BMPR1B: variants seen among roughly 807,000 people sequenced by gnomAD.
BMPR1B encodes the protein bone morphogenetic protein receptor type 1B.
Under a neutral mutation model 59.1 loss-of-function variants are expected in BMPR1B, and 12 were observed. That is an observed-to-expected ratio of 0.20 (90% CI 0.13 to 0.33). The LOEUF (loss-of-function observed/expected upper bound fraction) is 0.33, where lower values mean the gene tolerates loss of function less well. Among genes scored for constraint, BMPR1B ranks in the 10% least tolerant of loss-of-function variants. The probability of loss-of-function intolerance (pLI) is 1.00; values close to 1 mark genes in which losing one functional copy is unlikely to be tolerated. For synonymous variants in BMPR1B, 237 were observed against 207.3 expected (o/e 1.14, Z -1.23); for missense variants, 550 against 610.9 (o/e 0.90, Z 1.05).
intron 2 of BMPR1B, among the ~76,000 whole-genome samples, chr4:94,979,263 C>T (rs982010200): frequency 6.6e-6 from 1 of 152,140 alleles, no homozygotes; most frequent in Non-Finnish European, 1.5e-5. Flanking sequence ...ATCCATACTT[C>T]TTTGTATCCA....
In BMPR1B at chr4:95,155,475, C is replaced by CTTTTTTTTT. The variant is rs548956012; in HGVS notation, c.*826_*834dup. ...CCCTTTTCATTAAACACAAAGAAAG[C>CTTTTTTTTT]TTTTTTTTTTTTTTTTTTTTTTTTT... On this transcript the variant is annotated 3_prime_UTR_variant, in exon 13 of 13. Coordinates refer to ENST00000515059, the MANE Select transcript of BMPR1B (RefSeq NM_001203.3). 44 of 64,306 alleles carry CTTTTTTTTT rather than the reference C, an allele frequency of 6.8e-4. 4 individuals carry two copies. The highest frequency in any genetic ancestry group is 7.8e-4 in the Non-Finnish European group (29 of 37,212). 4.0% of individuals were successfully genotyped at this position (64,306 alleles called of 1,614,324 possible).
intron 1 of BMPR1B, among the ~76,000 whole-genome samples, chr4:94,797,694 G>A (rs1057503199): frequency 6.6e-6 from 1 of 152,190 alleles, no homozygotes; most frequent in Non-Finnish European, 1.5e-5. Context: ...GTTTATGATT[G>A]TGAAAACACA....
intron 1 of BMPR1B, among the ~76,000 whole-genome samples, chr4:94,819,540 G>A (rs1219087083): frequency 6.6e-6 from 1 of 152,180 alleles, no homozygotes; most frequent in African/African-American, 2.4e-5. Flanking sequence ...TTTAGCCCGG[G>A]GTTCTTTCAT....
At position 95,156,184 on chromosome 4, in the gene BMPR1B, A is replaced by G. The variant is rs1241834667; in HGVS notation, c.*1511A>G. ...AAGGCCAATATTGTTTAGCAACATG[A>G]ATACAATACAGTTTAAAGTTGTACA... On this transcript the variant is annotated 3_prime_UTR_variant, in exon 13 of 13. Transcript: ENST00000515059. 2 of 152,208 alleles carry G rather than the reference A, an allele frequency of 1.3e-5. No individual in the cohort carries two copies. The highest frequency in any genetic ancestry group is 4.8e-5 in the African/African-American group (2 of 41,464). 9.4% of individuals were successfully genotyped at this position (152,208 alleles called of 1,614,324 possible).
chr4:94,954,945 A>G lies in BMPR1B; in HGVS notation c.-112-41095A>G, dbSNP rs116641672. 7.9e-3 allele frequency among the ~76,000 whole-genome samples: 1,207 copies of G among 152,270 alleles called. 15 individuals are homozygous for G. Among genetic ancestry groups the G allele is most frequent in the African/African-American group, 0.027 (1,139 of 41,548 alleles). On this transcript the variant is annotated intron_variant, in intron 2 of 12. Coordinates refer to ENST00000515059, the MANE Select transcript of BMPR1B (RefSeq NM_001203.3). ...TTATTATATAAGACTTACCCTTCAC[A>G]TTCACAGTCTGTCTCCATTAGGTCT... is the stretch of plus-strand genomic sequence containing the variant.
chr4:95,070,391 C>T (rs1396639349), intron 3 of BMPR1B, among the ~76,000 whole-genome samples: 1 of 152,126 alleles, frequency 6.6e-6, no homozygotes, highest in Non-Finnish European at 1.5e-5. Context: ...AGGTTTTTCA[C>T]TTTGGCAGCT....
chr4:95,045,352 C>T (rs1725965105), intron 3 of BMPR1B, among the ~76,000 whole-genome samples: 1 of 152,186 alleles, frequency 6.6e-6, no homozygotes, highest in South Asian at 2.1e-4. Flanking sequence ...GTAACCTGTG[C>T]TTACCTCCAG....
At chr4:95,029,681 A>G (rs1225460111) in intron 3 of BMPR1B, among the ~76,000 whole-genome samples, 1 of 152,122 alleles carries the variant, frequency 6.6e-6, no homozygotes, top group Non-Finnish European at 1.5e-5. Context: ...ATCCCTGAGG[A>G]ATCGCCACAC....
chr4:94,885,544 G>A (rs1257228411), intron 2 of BMPR1B, among the ~76,000 whole-genome samples: 1 of 152,054 alleles, frequency 6.6e-6, no homozygotes, highest in African/African-American at 2.4e-5. Context: ...CACCAGGGAA[G>A]AAACTTTATT....
At chr4:95,082,937 C>A (rs2149237630) in intron 3 of BMPR1B, among the ~76,000 whole-genome samples, 1 of 145,336 alleles carries the variant, frequency 6.9e-6, no homozygotes, top group Admixed American at 7.2e-5. Context: ...ACTCAAGAGG[C>A]TGAGGCAGGA....
rs757312834 is a variant in BMPR1B at position 95,104,504 on chromosome 4, C to G, written c.80C>G (p.Pro27Arg). 1.2e-5 allele frequency: 19 copies of G among 1,613,362 alleles called. No individual in the cohort carries two copies. Among genetic ancestry groups the G allele is most frequent in the South Asian group, 6.6e-5 (6 of 91,066 alleles). Residue 27 changes from proline (P) to arginine (R), a missense_variant, in exon 4 of 13, where the codon CCA becomes CGA. By Grantham distance (103) the Pro-to-Arg change is moderately radical. Transcript: ENST00000515059. ...DGESTAPTPR[P>R]KVLRCKCHHH... ...GAGAGTACAGCCCCCACCCCCCGTCCAAAGGTCTTGCGTTGTAAATGCCAC... is the reference window on the plus strand; with the variant it reads ...GAGAGTACAGCCCCCACCCCCCGTCGAAAGGTCTTGCGTTGTAAATGCCAC...
intron 2 of BMPR1B, among the ~76,000 whole-genome samples, chr4:94,923,324 C>G (rs895417742): frequency 8.5e-5 from 13 of 152,084 alleles, no homozygotes; most frequent in African/African-American, 3.1e-4. Context: ...ATCCCACAGT[C>G]ACATACCACC....
chr4:95,020,361 C>T (rs1435186217), intron 3 of BMPR1B, among the ~76,000 whole-genome samples: 6 of 152,090 alleles, frequency 3.9e-5, no homozygotes, highest in East Asian at 1.9e-4. Flanking sequence ...GGGCAGATCA[C>T]GAGGTCAAAA....
intron 1 of BMPR1B, among the ~76,000 whole-genome samples, chr4:94,856,623 C>T (rs1725764426): frequency 6.6e-6 from 1 of 152,178 alleles, no homozygotes; most frequent in South Asian, 2.1e-4. Context: ...AACTGGGCTT[C>T]TAACTCTTCA....
intron 2 of BMPR1B, among the ~76,000 whole-genome samples, chr4:94,954,263 T>C (rs1560565538): frequency 6.6e-6 from 1 of 152,192 alleles, no homozygotes; most frequent in Non-Finnish European, 1.5e-5. Flanking sequence ...TACTATACCT[T>C]AGCTTTCCTG....
intron 1 of BMPR1B, among the ~76,000 whole-genome samples, chr4:94,775,789 G>C (rs536153402): frequency 6.6e-6 from 1 of 152,186 alleles, no homozygotes; most frequent in Non-Finnish European, 1.5e-5. Context: ...TTATTACTAC[G>C]GTTAGAAATT....
chr4:94,874,088 C>A (rs1362399237), intron 1 of BMPR1B, among the ~76,000 whole-genome samples: 1 of 152,118 alleles, frequency 6.6e-6, no homozygotes, highest in South Asian at 2.1e-4. Context: ...CATCTTGTAG[C>A]ATGTGACAGG....
chr4:95,030,459 C>G (rs1724751703), intron 3 of BMPR1B, among the ~76,000 whole-genome samples: 1 of 152,100 alleles, frequency 6.6e-6, no homozygotes, highest in South Asian at 2.1e-4. Context: ...GGGCTCTGTT[C>G]TGTTCAGGGA....
intron 2 of BMPR1B, among the ~76,000 whole-genome samples, chr4:94,914,380 G>T (rs1728402130): frequency 1.3e-5 from 2 of 152,128 alleles, no homozygotes; most frequent in South Asian, 4.1e-4. Context: ...AGAGATTTGG[G>T]CTGGACATAG....
Sources: allele counts gnomAD v4.1 joint callset (sites outside exome capture counted in the v4.1 genomes callset), GRCh38; gene constraint gnomAD v4.1.1; transcripts MANE v1.5; gene names NCBI Gene and HGNC (gene_info 2026-07-23, HGNC 2026-07-21).